The following GJA5 variants were observed in gnomAD, a reference collection of about 807,000 sequenced individuals.
GJA5 encodes the protein gap junction protein alpha 5, also known as gap junction alpha-5 protein.
A neutral mutation model predicts 7.9 loss-of-function variants in GJA5; 3 were observed. The ratio of observed to expected loss-of-function variants is 0.38; its 90% CI spans 0.17 to 0.99. The LOEUF is 0.99. Ranked by LOEUF, GJA5 falls within the 50% of genes least tolerant of loss-of-function variation. The pLI is 0.38. For synonymous variants in GJA5, 193 were observed against 181.0 expected (o/e 1.07, Z -0.53); for missense variants, 390 against 457.9 (o/e 0.85, Z 1.35).
At position 147,757,559 on chromosome 1, in the gene GJA5, G is replaced by A. The variant is rs1222421677; in HGVS notation, c.*603C>T. On this transcript the variant is annotated 3_prime_UTR_variant, in exon 2 of 2. Transcript: ENST00000579774. ...AGGTACATACCAAGGCATTTGTAAA[G>A]CTGAGGCTGCTGGTAAAGTTCCAAG... is the stretch of plus-strand genomic sequence containing the variant. The A allele has an allele frequency of 6.2e-6, 1 of 161,140 alleles. No individual in the cohort carries two copies. The highest frequency in any genetic ancestry group is 1.8e-4 in the East Asian group (1 of 5,542). 10.0% of individuals were successfully genotyped at this position (161,140 alleles called of 1,614,324 possible).
rs1290539875 is a variant in GJA5 at position 147,757,943 on chromosome 1, G to A, written c.*219C>T. The A allele has an allele frequency of 1.2e-5, 7 of 590,390 alleles. No individual in the cohort carries two copies. Among genetic ancestry groups the A allele is most frequent in the African/African-American group, 1.9e-5 (1 of 53,622 alleles). The allele number at this position is 590,390 out of a possible 1,614,324, so 36.6% of individuals were successfully genotyped here. A position where few individuals can be genotyped will look rare whatever the true frequency, so the allele number is the denominator to read the frequency against. On this transcript the variant is annotated 3_prime_UTR_variant, in exon 2 of 2. Transcript: ENST00000579774. ...AAAGGCTTCGTATACTGGGTAGAGGGTGGGGAGGGAACTGCAGTCTGGGTG... is the reference window on the plus strand; with the variant it reads ...AAAGGCTTCGTATACTGGGTAGAGGATGGGGAGGGAACTGCAGTCTGGGTG...
rs1663727886 is a variant in GJA5, at chr1:147,756,268, A to G, written c.*1894T>C. 6.6e-6 allele frequency: 1 copy of G among 152,226 alleles called. No homozygotes were observed. Among genetic ancestry groups the G allele is most frequent in the Non-Finnish European group, 1.5e-5 (1 of 68,038 alleles). The allele number at this position is 152,226 out of a possible 1,614,324, so 9.4% of individuals were successfully genotyped here. A position where few individuals can be genotyped will look rare whatever the true frequency, so the allele number is the denominator to read the frequency against. On this transcript the variant is annotated 3_prime_UTR_variant, in exon 2 of 2. Transcript: ENST00000579774. ...TATATTTTTCCTTTCTAAAACCCTCACCATCAAAGATTGATCCCACAGAAT... is the reference window on the plus strand; with the variant it reads ...TATATTTTTCCTTTCTAAAACCCTCGCCATCAAAGATTGATCCCACAGAAT...
At chr1:147,768,345 TA>T (rs1664281053) in intron 1 of GJA5, among the ~76,000 whole-genome samples, 1 of 151,802 alleles carries the variant, frequency 6.6e-6, no homozygotes, top group Admixed American at 6.6e-5. Context: ...TAGAAGGGAG[TA>T]AAGTGCAGAA....
chr1:147,762,303 G>A (rs116052990), upstream of GJA5, among the ~76,000 whole-genome samples: 1,255 of 152,246 alleles, frequency 8.2e-3, 4 homozygotes, highest in Non-Finnish European at 0.014. Context: ...CCAGGATTTG[G>A]GGCAAGTTTT....
Position 147,756,964 on chromosome 1 carries a change from A to C in GJA5, c.*1198T>G, listed in dbSNP as rs1481014889. On this transcript the variant is annotated 3_prime_UTR_variant, in exon 2 of 2. Coordinates refer to ENST00000579774, the MANE Select transcript of GJA5 (RefSeq NM_181703.4). ...TGCCAAGAGAGCTGGAGATTCCCCTACTATTTCCTTGCCCCTGCTAAAGCC... is the reference window on the plus strand; with the variant it reads ...TGCCAAGAGAGCTGGAGATTCCCCTCCTATTTCCTTGCCCCTGCTAAAGCC... 1 of 152,144 alleles carries C rather than the reference A, an allele frequency of 6.6e-6. No homozygotes were observed. Among genetic ancestry groups the C allele is most frequent in the Non-Finnish European group, 1.5e-5 (1 of 68,028 alleles). The allele number at this position is 152,144 out of a possible 1,614,324, so 9.4% of individuals were successfully genotyped here.
chr1:147,768,951 G>A (rs1190592644), intron 1 of GJA5, among the ~76,000 whole-genome samples: 1 of 152,206 alleles, frequency 6.6e-6, no homozygotes, highest in African/African-American at 2.4e-5. Flanking sequence ...ATGATGATAA[G>A]CCCGTGCCCA....
chr1:147,759,137 C>G lies in GJA5; in HGVS notation c.102G>C (p.Met34Ile). The G allele has an allele frequency of 6.2e-7, 1 of 1,613,172 alleles. No individual in the cohort carries two copies. The highest frequency in any genetic ancestry group is 1.7e-4 in the Middle Eastern group (1 of 6,058). ...VWLTVLFIFR[M>I]LVLGTAAESS... ...ACTCAGCAGCTGTGCCCAGCACGAG[C>G]ATACGGAATATGAAGAGGACAGTGA... The change falls in exon 2 of 2, where the codon ATG becomes ATC. Residue 34 changes from methionine to isoleucine, a missense_variant. By Grantham distance (10) the Met-to-Ile change is conservative. Transcript: ENST00000579774.
rs1663738837 is a variant in GJA5, at chr1:147,756,488, A to G, written c.*1674T>C. ...ATCTTTCCACCCAACAATAGCATCC[A>G]AGTGTCAGCAGAGGGCCCAGAGATG... On this transcript the variant is annotated 3_prime_UTR_variant, in exon 2 of 2. Transcript: ENST00000579774. 1 of 152,152 alleles carries G rather than the reference A, an allele frequency of 6.6e-6. No individual in the cohort carries two copies. Among genetic ancestry groups the G allele is most frequent in the Non-Finnish European group, 1.5e-5 (1 of 68,030 alleles). The allele number at this position is 152,152 out of a possible 1,614,324, so 9.4% of individuals were successfully genotyped here.
At chr1:147,772,202 C>G (rs781850827) in intron 1 of GJA5, among the ~76,000 whole-genome samples, 28 of 152,230 alleles carry the variant, frequency 1.8e-4, no homozygotes, top group Non-Finnish European at 3.1e-4. Context: ...TGCACCAGAG[C>G]CTTTTTCCAG....
chr1:147,769,011 T>A (rs763984207), intron 1 of GJA5, among the ~76,000 whole-genome samples: 1 of 152,218 alleles, frequency 6.6e-6, no homozygotes, highest in Non-Finnish European at 1.5e-5. Context: ...TTTTTCCCAC[T>A]TTACCTTGCC....
upstream of GJA5, among the ~76,000 whole-genome samples, chr1:147,765,064 C>G (rs906422636): frequency 5.5e-4 from 83 of 152,240 alleles, no homozygotes; most frequent in African/African-American, 1.9e-3. Flanking sequence ...TCAAGTCTTT[C>G]TTCTTAAGGT....
intron 1 of GJA5, among the ~76,000 whole-genome samples, chr1:147,771,931 T>C (rs1253810608): frequency 1.3e-5 from 2 of 152,158 alleles, no homozygotes; most frequent in Non-Finnish European, 2.9e-5. Flanking sequence ...GGGCTGGGCT[T>C]GGCTGTGACT....
chr1:147,764,993 T>C (rs189898229), upstream of GJA5, among the ~76,000 whole-genome samples: 18 of 152,322 alleles, frequency 1.2e-4, no homozygotes, highest in African/African-American at 3.8e-4. Context: ...ATAAATGCTT[T>C]CTTAATGATT....
Position 147,758,459 on chromosome 1 carries a change from G to A in GJA5, c.780C>T (p.Ser260=), listed in dbSNP as rs1663834363. 1 of 1,614,202 alleles carries A rather than the reference G, an allele frequency of 6.2e-7. No homozygotes were observed. The highest frequency in any genetic ancestry group is 8.5e-7 in the Non-Finnish European group (1 of 1,180,020). ...LSGPSVGIVQ[S]CTPPPDFNQC... ...GATTAAAGTCGGGGGGTGGTGTGCA[G>A]CTCTGGACTATGCCCACAGAGGGGC... The change falls in exon 2 of 2, where the codon AGC becomes AGT. Residue 260 remains serine, a synonymous_variant. Transcript: ENST00000579774.
chr1:147,757,044 C>T lies in GJA5; in HGVS notation c.*1118G>A, dbSNP rs1553226549. 6 of 152,256 alleles carry T rather than the reference C, an allele frequency of 3.9e-5. No individual in the cohort carries two copies. The allele number at this position is 152,256 out of a possible 1,614,324, so 9.4% of individuals were successfully genotyped here. A position where few individuals can be genotyped will look rare whatever the true frequency, so the allele number is the denominator to read the frequency against. ...TAGCTGTCATCACACCTCCTCTTGGCACTAAGTTGGCAGTCAGCAAAGGAA... is the reference window on the plus strand; with the variant it reads ...TAGCTGTCATCACACCTCCTCTTGGTACTAAGTTGGCAGTCAGCAAAGGAA... On this transcript the variant is annotated 3_prime_UTR_variant, in exon 2 of 2. Transcript: ENST00000579774.
chr1:147,764,356 C>A (rs1019395427), upstream of GJA5, among the ~76,000 whole-genome samples: 8 of 152,158 alleles, frequency 5.3e-5, no homozygotes, highest in African/African-American at 1.9e-4. Context: ...AGGATACATC[C>A]TCACACTTGG....
intron 1 of GJA5, chr1:147,773,218 A>T (rs1427470211): frequency 6.6e-6 from 1 of 152,182 alleles, no homozygotes; most frequent in East Asian, 1.9e-4. Flanking sequence ...ATCCACTTGT[A>T]GCTTTAGCTG....
rs1553227122 is a variant in GJA5, at chr1:147,759,243, G to A, written c.-5C>T. On this transcript the variant is annotated 5_prime_UTR_variant, in exon 2 of 2. Coordinates refer to ENST00000579774, the MANE Select transcript of GJA5 (RefSeq NM_181703.4). ...CAGGAAGCTCCAATCGCCCATCTTG[G>A]CACAGCCAGGGAACAGATGCCAAAA... 2 of 1,596,538 alleles carry A rather than the reference G, an allele frequency of 1.3e-6. No individual in the cohort carries two copies. The highest frequency in any genetic ancestry group is 1.1e-5 in the South Asian group (1 of 90,748).
chr1:147,766,493 T>C (rs587750675), intron 1 of GJA5, among the ~76,000 whole-genome samples: 1 of 152,210 alleles, frequency 6.6e-6, no homozygotes, highest in South Asian at 2.1e-4. Context: ...TAGGGACACC[T>C]GCCCAATGAC....
Sources: gnomAD v4.1 joint callset for allele counts (sites outside exome capture counted in the v4.1 genomes callset) on GRCh38, gnomAD v4.1.1 for gene constraint, MANE v1.5 for transcripts, NCBI Gene and HGNC (gene_info 2026-07-23, HGNC 2026-07-21) for gene names.